The following EPHA6 variants were observed in gnomAD, a reference collection of about 807,000 sequenced individuals.
The protein encoded by EPHA6 is EPH receptor A6.
EPHA6 carries 50 observed loss-of-function variants against 112.0 expected under a neutral mutation model. The observed-to-expected ratio is 0.45, with a 90% confidence interval of 0.36 to 0.56. EPHA6 has a LOEUF of 0.56. Among genes scored for constraint, EPHA6 ranks in the 20% least tolerant of loss-of-function variants. The pLI is 0.00. For synonymous variants in EPHA6, 529 were observed against 490.7 expected (o/e 1.08, Z -1.03); for missense variants, 1,280 against 1,417.4 (o/e 0.90, Z 1.56).
At chr3:97,237,397 CAT>C (rs1427884495) in intron 4 of EPHA6, among the ~76,000 whole-genome samples, 2 of 151,922 alleles carry the variant, frequency 1.3e-5, no homozygotes, top group African/African-American at 4.8e-5. Flanking sequence ...TGCCTAAACA[CAT>C]ATACTTTAAT....
chr3:97,178,116 G>C (rs184932385), intron 3 of EPHA6, among the ~76,000 whole-genome samples: 2 of 151,670 alleles, frequency 1.3e-5, no homozygotes, highest in Admixed American at 6.6e-5. Context: ...TTATGTTTTT[G>C]TGTATGAAGT....
intron 3 of EPHA6, among the ~76,000 whole-genome samples, chr3:97,151,687 A>G (rs2108377041): frequency 6.6e-6 from 1 of 152,238 alleles, no homozygotes; most frequent in African/African-American, 2.4e-5. Flanking sequence ...GTTCCTGACA[A>G]ATAATAAATA....
chr3:97,734,668 T>C (rs2035180374), intron 15 of EPHA6, among the ~76,000 whole-genome samples: 1 of 152,052 alleles, frequency 6.6e-6, no homozygotes, highest in African/African-American at 2.4e-5. Context: ...TGTCCAATAG[T>C]GTAAATTTTA....
intron 2 of EPHA6, among the ~76,000 whole-genome samples, chr3:96,895,407 G>A (rs1190499423): frequency 6.6e-6 from 1 of 152,034 alleles, no homozygotes; most frequent in East Asian, 1.9e-4. Context: ...TTAAAAGTCT[G>A]TAAATCAAAA....
intron 14 of EPHA6, among the ~76,000 whole-genome samples, chr3:97,706,746 T>A (rs2033697563): frequency 6.6e-6 from 1 of 151,980 alleles, no homozygotes; most frequent in Non-Finnish European, 1.5e-5. Context: ...TTTTGCCTCC[T>A]CACACAGCCA....
chr3:96,911,990 C>A (rs2039241052), intron 2 of EPHA6, among the ~76,000 whole-genome samples: 1 of 151,858 alleles, frequency 6.6e-6, no homozygotes, highest in Non-Finnish European at 1.5e-5. Flanking sequence ...AACATCAAAT[C>A]TGAAACAGAA....
chr3:97,050,692 T>C (rs999702182), intron 3 of EPHA6, among the ~76,000 whole-genome samples: 1 of 152,300 alleles, frequency 6.6e-6, no homozygotes, highest in Non-Finnish European at 1.5e-5. Flanking sequence ...GTATCTTATA[T>C]TGAGCACAAA....
intron 5 of EPHA6, among the ~76,000 whole-genome samples, chr3:97,253,937 A>G (rs2079220955): frequency 6.6e-6 from 1 of 152,026 alleles, no homozygotes; most frequent in East Asian, 1.9e-4. Flanking sequence ...ATTTTTTATA[A>G]ACATAAATAT....
intron 5 of EPHA6, among the ~76,000 whole-genome samples, chr3:97,250,182 T>A (rs1397266789): frequency 3.9e-5 from 6 of 152,334 alleles, no homozygotes; most frequent in Non-Finnish European, 8.8e-5. Context: ...AAGAAAGTAT[T>A]AATGGCATAT....
At chr3:97,529,936 T>A (rs1415501014) in intron 10 of EPHA6, among the ~76,000 whole-genome samples, 1 of 152,018 alleles carries the variant, frequency 6.6e-6, no homozygotes, top group Non-Finnish European at 1.5e-5. Context: ...AACAGAATTC[T>A]CATTATTTTC....
chr3:97,149,116 A>G (rs951357791), intron 3 of EPHA6, among the ~76,000 whole-genome samples: 1 of 152,154 alleles, frequency 6.6e-6, no homozygotes, highest in African/African-American at 2.4e-5. Flanking sequence ...CTGTGAATTT[A>G]GAAGATGACA....
At chr3:97,045,731 G>A (rs779570570) in intron 3 of EPHA6, among the ~76,000 whole-genome samples, 14 of 151,916 alleles carry the variant, frequency 9.2e-5, no homozygotes, top group East Asian at 5.8e-4. Flanking sequence ...TACTTTGTAC[G>A]TTTTTTGAAA....
intron 14 of EPHA6, among the ~76,000 whole-genome samples, chr3:97,681,491 T>C (rs1467330955): frequency 6.6e-6 from 1 of 152,112 alleles, no homozygotes; most frequent in Non-Finnish European, 1.5e-5. Context: ...AAATTCATTA[T>C]TATACATTCA....
chr3:96,962,421 A>T (rs553218923), intron 2 of EPHA6, among the ~76,000 whole-genome samples: 9 of 150,874 alleles, frequency 6.0e-5, no homozygotes, highest in African/African-American at 2.0e-4. Flanking sequence ...TAGAGTTGAG[A>T]GTGTCATGGA....
In EPHA6 at chr3:97,748,758, T is replaced by C. The variant is rs2035819176; in HGVS notation, c.*57T>C. The C allele has an allele frequency of 1.2e-6, 1 of 844,890 alleles. No individual in the cohort carries two copies. The highest frequency in any genetic ancestry group is 2.5e-5 in the East Asian group (1 of 39,342). 52.3% of individuals were successfully genotyped at this position (844,890 alleles called of 1,614,324 possible). ...AGCATTTCTAAAATGAACGATATCC[T>C]CTCTACTACTCTCTCTTCTGATTCT... On this transcript the variant is annotated 3_prime_UTR_variant, in exon 18 of 18. Coordinates refer to ENST00000389672, the MANE Select transcript of EPHA6 (RefSeq NM_001080448.3).
At chr3:97,271,853 A>G (rs892439283) in intron 5 of EPHA6, among the ~76,000 whole-genome samples, 1 of 152,184 alleles carries the variant, frequency 6.6e-6, no homozygotes, top group East Asian at 1.9e-4. Context: ...TGATATACAT[A>G]TGCATATGAA....
chr3:96,981,729 A>T (rs961813591), intron 2 of EPHA6, among the ~76,000 whole-genome samples: 1 of 151,968 alleles, frequency 6.6e-6, no homozygotes, highest in Admixed American at 6.6e-5. Context: ...CCTCAATTTC[A>T]GAGCTTGTTG....
At chr3:97,225,418 A>G (rs2078326441) in intron 3 of EPHA6, among the ~76,000 whole-genome samples, 1 of 152,242 alleles carries the variant, frequency 6.6e-6, no homozygotes, top group Non-Finnish European at 1.5e-5. Context: ...GATCACATTT[A>G]GTAATTATTT....
At chr3:97,147,643 A>G (rs759433977) in intron 3 of EPHA6, among the ~76,000 whole-genome samples, 7 of 152,132 alleles carry the variant, frequency 4.6e-5, no homozygotes, top group African/African-American at 9.7e-5. Context: ...TGCAACAATT[A>G]TACATAGGAA....
Sources: gnomAD v4.1 joint callset for allele counts (sites outside exome capture counted in the v4.1 genomes callset) on GRCh38, gnomAD v4.1.1 for gene constraint, MANE v1.5 for transcripts, NCBI Gene and HGNC (gene_info 2026-07-23, HGNC 2026-07-21) for gene names.